The following KCNQ1 variants were observed in gnomAD, a reference collection of about 807,000 sequenced individuals.
KCNQ1 encodes the protein potassium voltage-gated channel subfamily Q member 1.
In KCNQ1, 49 loss-of-function variants were observed where a neutral mutation model predicts 72.4. That is an observed-to-expected ratio of 0.68 (90% CI 0.54 to 0.86). The LOEUF is 0.86. KCNQ1 is among the 40% of genes least tolerant of loss of function. The pLI is 0.00. For synonymous variants in KCNQ1, 450 were observed against 412.6 expected (o/e 1.09, Z -1.10); for missense variants, 790 against 945.1 (o/e 0.84, Z 2.15).
chr11:2,540,131 G>A (rs1259279916), intron 2 of KCNQ1, among the ~76,000 whole-genome samples: 2 of 152,096 alleles, frequency 1.3e-5, no homozygotes, highest in Non-Finnish European at 2.9e-5. Context: ...CTGCACAGTG[G>A]GGTCCACCCG....
At chr11:2,449,747 T>C (rs968310825) in intron 1 of KCNQ1, among the ~76,000 whole-genome samples, 2 of 152,110 alleles carry the variant, frequency 1.3e-5, no homozygotes, top group African/African-American at 4.8e-5. Context: ...CCCGGGTGGC[T>C]GATGCCCCCG....
chr11:2,701,556 G>A (rs577020956), intron 11 of KCNQ1, among the ~76,000 whole-genome samples: 21 of 152,176 alleles, frequency 1.4e-4, no homozygotes, highest in Non-Finnish European at 2.5e-4. Flanking sequence ...AGGGTTTCAC[G>A]CTATAATGTC....
chr11:2,637,992 G>C (rs953100687), intron 10 of KCNQ1: 17 of 152,156 alleles, frequency 1.1e-4, no homozygotes, highest in African/African-American at 3.9e-4. Flanking sequence ...CAGAGACTAG[G>C]ATTGCAACCC....
At chr11:2,513,631 G>A (rs1589921868) in intron 1 of KCNQ1, among the ~76,000 whole-genome samples, 1 of 152,196 alleles carries the variant, frequency 6.6e-6, no homozygotes, top group Non-Finnish European at 1.5e-5. Flanking sequence ...GCTGTCGGGA[G>A]CCTCCATCAC....
Position 2,781,901 on chromosome 11 carries a change from G to A in KCNQ1, c.1794+3864G>A, listed in dbSNP as rs182212812. Among the ~76,000 whole-genome samples, 24 of 152,200 alleles carry A rather than the reference G, an allele frequency of 1.6e-4. No homozygotes were observed. Among genetic ancestry groups the A allele is most frequent in the East Asian group, 1.2e-3 (6 of 5,174 alleles). ...ACCTGACACTCCTTTCACTGCCTCC[G>A]GTCGCAGAATCCAGGCCTCCAGGAT... On this transcript the variant is annotated intron_variant, in intron 15 of 15. Transcript: ENST00000155840. This position sits in a 1 kb window ranked among gnomAD's most constrained non-coding sequence, Gnocchi z 6.6.
rs866697102 is a variant in KCNQ1, at chr11:2,494,118, G to A, written c.387-33810G>A. ...TCTTCTCTTTGTAGCAATTATGAAT[G>A]GGGATTCACTCATGATTTGGCTCTC... On this transcript the variant is annotated intron_variant, in intron 1 of 15. Coordinates refer to ENST00000155840, the MANE Select transcript of KCNQ1 (RefSeq NM_000218.3). This position sits in a 1 kb window ranked among gnomAD's most constrained non-coding sequence, Gnocchi z 4.6. Among the ~76,000 whole-genome samples, 2 of 152,148 alleles carry A rather than the reference G, an allele frequency of 1.3e-5. No homozygotes were observed. The highest frequency in any genetic ancestry group is 2.9e-5 in the Non-Finnish European group (2 of 68,000).
chr11:2,795,571 A>T (rs1175378689), intron 15 of KCNQ1, among the ~76,000 whole-genome samples: 1 of 151,472 alleles, frequency 6.6e-6, no homozygotes, highest in African/African-American at 2.4e-5. Flanking sequence ...GATCTAAACC[A>T]CCCTACCCCA....
At chr11:2,740,935 T>C (rs1054583590) in intron 11 of KCNQ1, among the ~76,000 whole-genome samples, 1 of 152,238 alleles carries the variant, frequency 6.6e-6, no homozygotes, top group Admixed American at 6.5e-5. Context: ...GATCAGCTGC[T>C]TGGCTGCCTG....
chr11:2,583,623 GA>G, intron 7 of KCNQ1, 78 bp downstream of exon 7: 1 of 953,128 alleles, frequency 1.0e-6, no homozygotes. Flanking sequence ...CCCTCCCTGT[GA>G]GCAGACCCAC....
rs1851017981 is a variant in KCNQ1, at chr11:2,712,151, T to C, written c.1514+50070T>C. Among the ~76,000 whole-genome samples the C allele has an allele frequency of 1.3e-5, 2 of 152,214 alleles. No homozygotes were observed. The highest frequency in any genetic ancestry group is 4.1e-4 in the South Asian group (2 of 4,828). ...CCCTTTGGAAACCTGAGTGGGGTTT[T>C]GTGCTTGCATCTCATTTAAGCCATG... On this transcript the variant is annotated intron_variant, in intron 11 of 15. Coordinates refer to ENST00000155840, the MANE Select transcript of KCNQ1 (RefSeq NM_000218.3). This position sits in a 1 kb window ranked among gnomAD's most constrained non-coding sequence, Gnocchi z 6.4.
At chr11:2,615,828 T>G (rs1849052405) in intron 10 of KCNQ1, 1 of 398,042 alleles carries the variant, frequency 2.5e-6, no homozygotes, top group Non-Finnish European at 4.4e-6. Context: ...AGTTTGTCTT[T>G]TCTTGTGGTA....
intron 8 of KCNQ1, among the ~76,000 whole-genome samples, chr11:2,587,364 G>T (rs928940656): frequency 1.3e-5 from 2 of 152,212 alleles, no homozygotes; most frequent in Admixed American, 6.5e-5. Context: ...TGAGCTGCCT[G>T]GTGCAGCAAG....
chr11:2,562,379 T>A lies in KCNQ1; in HGVS notation c.478-8249T>A, dbSNP rs1848184512. 6.6e-6 allele frequency among the ~76,000 whole-genome samples: 1 copy of A among 152,052 alleles called. No individual in the cohort carries two copies. Among genetic ancestry groups the A allele is most frequent in the Non-Finnish European group, 1.5e-5 (1 of 67,986 alleles). On this transcript the variant is annotated intron_variant, in intron 2 of 15. Coordinates refer to ENST00000155840, the MANE Select transcript of KCNQ1 (RefSeq NM_000218.3). This position sits in a 1 kb window ranked among gnomAD's most constrained non-coding sequence, Gnocchi z 7.5. The stretch of plus-strand genomic sequence containing the variant: ...AGCTGCCTGAGTGCCTGCATTGCCC[T>A]CCGGCCAGCTGACCCTCCCCGGAGC...
At chr11:2,680,346 A>G (rs1850374468) in intron 11 of KCNQ1, 1 of 397,696 alleles carries the variant, frequency 2.5e-6, no homozygotes, top group Non-Finnish European at 4.4e-6. Context: ...CTTTCCAGCC[A>G]CAAATAGAAG....
Position 2,664,508 on chromosome 11 carries a change from C to A in KCNQ1, c.1514+2427C>A. On this transcript the variant is annotated intron_variant, in intron 11 of 15. Coordinates refer to ENST00000155840, the MANE Select transcript of KCNQ1 (RefSeq NM_000218.3). The surrounding 1 kb of genome is among the most constrained non-coding windows in gnomAD (Gnocchi z 5.1). ...GGGAGAAGGCTGGCAGCAGTGGGCACCCTGTTTCCTCAGGGCCCAAACCGC... is the reference window on the plus strand; with the variant it reads ...GGGAGAAGGCTGGCAGCAGTGGGCAACCTGTTTCCTCAGGGCCCAAACCGC... 1 of 398,784 alleles carries A rather than the reference C, an allele frequency of 2.5e-6. No individual in the cohort carries two copies. The allele number at this position is 398,784 out of a possible 1,614,324, so 24.7% of individuals were successfully genotyped here. A position where few individuals can be genotyped will look rare whatever the true frequency, so the allele number is the denominator to read the frequency against.
chr11:2,629,189 G>A (rs1182100737), intron 10 of KCNQ1: 11 of 397,996 alleles, frequency 2.8e-5, no homozygotes, highest in Non-Finnish European at 4.4e-5. Context: ...GAGTAGTATA[G>A]CTATTTCGGC....
intron 11 of KCNQ1, chr11:2,665,089 G>T (rs1028537060): frequency 5.3e-5 from 21 of 398,392 alleles, no homozygotes; most frequent in Non-Finnish European, 1.3e-5. Flanking sequence ...GGGTACCCAG[G>T]AGATAAAGAG....
Position 2,620,222 on chromosome 11 carries a change from TTA to T in KCNQ1, c.1393+31370_1393+31371del, listed in dbSNP as rs1265977030. ...ATGTATATATATATATTTTTTTTTT[TTA>T]TTTTTTTTTTAGACGGAGTTTCGCT... On this transcript the variant is annotated intron_variant, in intron 10 of 15. Coordinates refer to ENST00000155840, the MANE Select transcript of KCNQ1 (RefSeq NM_000218.3). The surrounding 1 kb of genome is among the most constrained non-coding windows in gnomAD (Gnocchi z 4.5). 3.3e-5 allele frequency: 9 copies of T among 274,408 alleles called. No homozygotes were observed. Among genetic ancestry groups the T allele is most frequent in the African/African-American group, 6.9e-5 (3 of 43,742 alleles). The allele number at this position is 274,408 out of a possible 1,614,324, so 17.0% of individuals were successfully genotyped here.
chr11:2,468,793 T>G lies in KCNQ1; in HGVS notation c.386+23309T>G, dbSNP rs919933790. 6.6e-6 allele frequency among the ~76,000 whole-genome samples: 1 copy of G among 152,214 alleles called. No individual in the cohort carries two copies. The highest frequency in any genetic ancestry group is 1.5e-5 in the Non-Finnish European group (1 of 68,042). The stretch of plus-strand genomic sequence containing the variant: ...CCTACTTTGCCGATCCATGCACCTG[T>G]TGATGGACATGTGGGCGGCTGTATC... On this transcript the variant is annotated intron_variant, in intron 1 of 15. Transcript: ENST00000155840. This position sits in a 1 kb window ranked among gnomAD's most constrained non-coding sequence, Gnocchi z 5.7.
Sources: gnomAD v4.1 joint callset for allele counts (sites outside exome capture counted in the v4.1 genomes callset) on GRCh38, gnomAD v4.1.1 for gene constraint, Gnocchi (gnomAD v3.1) non-coding constraint, MANE v1.5 for transcripts, NCBI Gene and HGNC (gene_info 2026-07-23, HGNC 2026-07-21) for gene names.